ZNF567: variants seen among roughly 807,000 people sequenced by gnomAD.
ZNF567 encodes zinc finger protein 567.
ZNF567 carries 36 observed loss-of-function variants against 53.9 expected under a neutral mutation model. The observed-to-expected ratio is 0.67, with a 90% CI of 0.51 to 0.88. The LOEUF (loss-of-function observed/expected upper bound fraction) is 0.88. ZNF567 is among the 40% of genes least tolerant of loss of function. ZNF567 has a pLI of 0.00. For missense variants in ZNF567, 619 were observed against 764.7 expected, an observed-to-expected ratio of 0.81 and a Z score of 2.25; for synonymous variants, 224 against 260.4, an observed-to-expected ratio of 0.86 and a Z score of 1.35.
intron 5 of ZNF567, 83 bp from the exon 6 acceptor site, chr19:36,718,865 C>T (rs2040185709): frequency 4.4e-6 from 5 of 1,137,328 alleles, no homozygotes; most frequent in South Asian, 3.5e-5. Context: ...CTTTTTGCGC[C>T]ATGTGCTAGA....
chr19:36,667,775 GAGT>G, the ZNF567 span, among the ~76,000 whole-genome samples: 2 of 149,962 alleles, frequency 1.3e-5, no homozygotes, highest in Non-Finnish European at 3.0e-5. Context: ...TCAGCCTCCC[GAGT>G]AGCTGGGACT....
intron 3 of ZNF567, among the ~76,000 whole-genome samples, chr19:36,699,103 G>A (rs965518522): frequency 2.6e-5 from 4 of 152,098 alleles, no homozygotes; most frequent in African/African-American, 7.2e-5. Flanking sequence ...TTTGTATAAG[G>A]TGTAAGGAAG....
the ZNF567 span, among the ~76,000 whole-genome samples, chr19:36,670,354 G>A: frequency 4.6e-5 from 7 of 151,834 alleles, no homozygotes; most frequent in Non-Finnish European, 1.0e-4. Context: ...AGGTGGAAGC[G>A]ACTAAAACTG....
intron 1 of ZNF567, among the ~76,000 whole-genome samples, chr19:36,688,668 G>T (rs1600485230): frequency 6.6e-6 from 1 of 150,540 alleles, no homozygotes; most frequent in Admixed American, 6.6e-5. Flanking sequence ...TTAACCGGGC[G>T]TGGTGGCGGG....
chr19:36,706,173 C>T (rs934257742), intron 3 of ZNF567, among the ~76,000 whole-genome samples: 7 of 152,180 alleles, frequency 4.6e-5, no homozygotes, highest in Admixed American at 3.3e-4. Context: ...CCACATGCTA[C>T]GTGAAGCCCC....
chr19:36,701,374 T>TGGTGC (rs2039175601), intron 3 of ZNF567, among the ~76,000 whole-genome samples: 1 of 151,302 alleles, frequency 6.6e-6, no homozygotes, highest in South Asian at 2.1e-4. Context: ...AGGTGTGGTG[T>TGGTGC]GGTGCTGAAA....
At chr19:36,674,883 A>T in the ZNF567 span, among the ~76,000 whole-genome samples, 5 of 151,948 alleles carry the variant, frequency 3.3e-5, no homozygotes, top group Non-Finnish European at 4.4e-5. Flanking sequence ...CCACCCAAGT[A>T]ACTGGGATTA....
the ZNF567 span, among the ~76,000 whole-genome samples, chr19:36,677,774 TAAATA>T: frequency 6.6e-6 from 1 of 152,122 alleles, no homozygotes; most frequent in Non-Finnish European, 1.5e-5. Flanking sequence ...CTCAAAAAAA[TAAATA>T]AAATAAAAAT....
intron 3 of ZNF567, among the ~76,000 whole-genome samples, chr19:36,695,323 GT>G (rs1288593753): frequency 1.3e-5 from 2 of 152,034 alleles, no homozygotes; most frequent in Non-Finnish European, 2.9e-5. Context: ...GAGGTCAGAA[GT>G]TTGAGACCAG....
At chr19:36,722,792 C>G (rs1046456254), downstream of ZNF567, among the ~76,000 whole-genome samples, 1 of 151,856 alleles carries the variant, frequency 6.6e-6, no homozygotes, top group Non-Finnish European at 1.5e-5. Context: ...AATTTCATAG[C>G]AAAAAATGAA....
Position 36,719,480 on chromosome 19 carries a change from A to G in ZNF567, c.756A>G (p.Lys252=). 1 of 1,611,076 alleles carries G rather than the reference A, an allele frequency of 6.2e-7. No individual in the cohort carries two copies. The highest frequency in any genetic ancestry group is 8.5e-7 in the Non-Finnish European group (1 of 1,179,320). The part of the protein sequence containing the change: ...KKRRATNIEK[K]HTCNECGKSF... ...GAAGAGCAACCAATATTGAAAAAAA[A>G]CATACATGCAATGAATGTGGGAAAT... Residue 252 remains lysine (K), a synonymous_variant, in exon 6 of 6, where the codon AAA becomes AAG. Coordinates refer to ENST00000682579, the MANE Select transcript of ZNF567 (RefSeq NM_001322917.1).
chr19:36,693,161 G>A lies in ZNF567; in HGVS notation c.-66-1641G>A, dbSNP rs190971093. Among the ~76,000 whole-genome samples the A allele has an allele frequency of 1.3e-3, 194 of 152,082 alleles. 2 individuals carry two copies. The highest frequency in any genetic ancestry group is 4.5e-3 in the African/African-American group (187 of 41,460). On this transcript the variant is annotated intron_variant, in intron 2 of 5. Coordinates refer to ENST00000682579, the MANE Select transcript of ZNF567 (RefSeq NM_001322917.1). ...AAGTTAGCCGGTCTTGATGGCATGC[G>A]CCTGTAGTCCCAGCTACCCAGGAGG...
chr19:36,706,632 T>C (rs1455053425), intron 3 of ZNF567, among the ~76,000 whole-genome samples: 1 of 151,148 alleles, frequency 6.6e-6, no homozygotes, highest in East Asian at 2.0e-4. Flanking sequence ...CAAACTATAG[T>C]ATATGATATA....
At chr19:36,676,723 T>C in the ZNF567 span, among the ~76,000 whole-genome samples, 1 of 152,184 alleles carries the variant, frequency 6.6e-6, no homozygotes, top group African/African-American at 2.4e-5. Context: ...CAGAGCCTAG[T>C]CTTGCTAGTT....
intron 3 of ZNF567, among the ~76,000 whole-genome samples, chr19:36,700,855 G>A (rs1009228166): frequency 6.6e-6 from 1 of 151,616 alleles, no homozygotes; most frequent in Admixed American, 6.6e-5. Context: ...CAATTTTGTT[G>A]ATCCTTTCAA....
At chr19:36,705,877 G>C (rs534431996) in intron 3 of ZNF567, among the ~76,000 whole-genome samples, 1 of 152,052 alleles carries the variant, frequency 6.6e-6, no homozygotes, top group Admixed American at 6.5e-5. Context: ...ATTAATCCTT[G>C]ATAATATTCT....
Position 36,719,967 on chromosome 19 carries a change from C to G in ZNF567, c.1243C>G (p.His415Asp), listed in dbSNP as rs746473923. The G allele has an allele frequency of 6.2e-7, 1 of 1,614,016 alleles. No individual in the cohort carries two copies. Among genetic ancestry groups the G allele is most frequent in the Non-Finnish European group, 8.5e-7 (1 of 1,179,992 alleles). Residue 415 changes from histidine to aspartate, a missense_variant, in exon 6 of 6, where the codon CAT becomes GAT. His to Asp is a moderately conservative substitution (Grantham distance 81). Coordinates refer to ENST00000682579, the MANE Select transcript of ZNF567 (RefSeq NM_001322917.1). Reference sequence around the variant, plus strand: ...AAATCTTACTGTACATCAGAGAACTCATACAGGGGAAAAGCCCTATATTTG... The same window carrying G: ...AAATCTTACTGTACATCAGAGAACTGATACAGGGGAAAAGCCCTATATTTG... ...KANLTVHQRT[H>D]TGEKPYICNE...
At chr19:36,724,856 A>T (rs901562111), downstream of ZNF567, among the ~76,000 whole-genome samples, 3 of 141,772 alleles carry the variant, frequency 2.1e-5, no homozygotes, top group African/African-American at 5.1e-5. Flanking sequence ...TCAAAAAATT[A>T]AAAAAAAAAA....
In ZNF567 at chr19:36,719,152, A is replaced by G. The variant is rs199581869; in HGVS notation, c.428A>G (p.Asn143Ser). The G allele has an allele frequency of 9.3e-6, 15 of 1,611,412 alleles. 1 individual carries two copies. Among genetic ancestry groups the G allele is most frequent in the Middle Eastern group, 1.6e-4 (1 of 6,064 alleles). Residue 143 changes from asparagine (N) to serine (S), a missense_variant, in exon 6 of 6, where the codon AAT becomes AGT. Transcript: ENST00000682579. ...EYDTHGRILKNVSELIISNLN... is the reference protein window; with the variant it reads ...EYDTHGRILKSVSELIISNLN... The stretch of plus-strand genomic sequence containing the variant: ...GATACTCATGGAAGGATTTTGAAAA[A>G]TGTTTCAGAATTAATCATCAGTAAT...
Sources: allele counts gnomAD v4.1 joint callset (sites outside exome capture counted in the v4.1 genomes callset), GRCh38; gene constraint gnomAD v4.1.1; transcripts MANE v1.5; gene names NCBI Gene and HGNC (gene_info 2026-07-23, HGNC 2026-07-21).